The following ERBB4 variants were observed in gnomAD, a reference collection of about 807,000 sequenced individuals.
ERBB4 encodes erb-b2 receptor tyrosine kinase 4, also known as receptor tyrosine-protein kinase erbB-4.
ERBB4 carries 42 observed loss-of-function variants against 158.0 expected under a neutral mutation model. That is an observed-to-expected ratio of 0.27 (90% confidence interval 0.21 to 0.34). The LOEUF (loss-of-function observed/expected upper bound fraction) is 0.34. Among genes scored for constraint, ERBB4 ranks in the 10% least tolerant of loss-of-function variants. The pLI, the probability that ERBB4 is intolerant of heterozygous loss-of-function variation, is 1.00. For missense variants in ERBB4, 1,333 were observed against 1,624.1 expected (o/e 0.82, Z 3.08); for synonymous variants, 583 against 558.7 (o/e 1.04, Z -0.61).
chr2:212,304,595 A>G (rs1029439294), intron 1 of ERBB4, among the ~76,000 whole-genome samples: 1 of 151,540 alleles, frequency 6.6e-6, no homozygotes, highest in East Asian at 2.0e-4. Context: ...TTGAAAAAGC[A>G]TCAATGAGCA....
intron 3 of ERBB4, among the ~76,000 whole-genome samples, chr2:211,793,239 A>G (rs912052786): frequency 1.3e-5 from 2 of 151,940 alleles, no homozygotes; most frequent in Admixed American, 6.6e-5. Flanking sequence ...ATCAGTGAAC[A>G]TTTTAATTCT....
chr2:212,009,611 G>C (rs150414822), intron 2 of ERBB4, among the ~76,000 whole-genome samples: 1 of 152,086 alleles, frequency 6.6e-6, no homozygotes, highest in African/African-American at 2.4e-5. Context: ...TTTCAAAACA[G>C]TCTATTTTAA....
At chr2:212,128,590 G>C (rs768201847) in intron 1 of ERBB4, among the ~76,000 whole-genome samples, 22 of 152,152 alleles carry the variant, frequency 1.4e-4, no homozygotes, top group Non-Finnish European at 3.1e-4. Flanking sequence ...ATACCATCAA[G>C]ATAATGATGA....
chr2:212,198,157 G>C (rs919403839), intron 1 of ERBB4, among the ~76,000 whole-genome samples: 2 of 152,112 alleles, frequency 1.3e-5, no homozygotes, highest in South Asian at 4.1e-4. Context: ...GAGATTGTCT[G>C]AAAGTTAACT....
chr2:211,418,691 T>A (rs888564423), intron 25 of ERBB4, among the ~76,000 whole-genome samples: 15 of 152,184 alleles, frequency 9.9e-5, no homozygotes, highest in Admixed American at 4.6e-4. Flanking sequence ...TATTTTTTTT[T>A]AAATTTCACT....
At chr2:212,100,086 G>A (rs1289445677) in intron 2 of ERBB4, among the ~76,000 whole-genome samples, 1 of 151,976 alleles carries the variant, frequency 6.6e-6, no homozygotes, top group East Asian at 1.9e-4. Flanking sequence ...TGGTCTTACA[G>A]TCATTACTGA....
intron 2 of ERBB4, among the ~76,000 whole-genome samples, chr2:211,977,548 A>AAAAAAAAAAAAT (rs2081647159): frequency 6.7e-6 from 1 of 148,184 alleles, no homozygotes. Flanking sequence ...AAAAAAAAAA[A>AAAAAAAAAAAAT]GTAACTTGGC....
intron 1 of ERBB4, among the ~76,000 whole-genome samples, chr2:212,371,886 G>T (rs966832529): frequency 6.6e-6 from 1 of 152,064 alleles, no homozygotes; most frequent in African/African-American, 2.4e-5. Context: ...CGAGAACTTG[G>T]TTTGTGTGAC....
At chr2:212,187,563 CA>C (rs2082051874) in intron 1 of ERBB4, among the ~76,000 whole-genome samples, 1 of 151,678 alleles carries the variant, frequency 6.6e-6, no homozygotes, top group Non-Finnish European at 1.5e-5. Flanking sequence ...TTAGAAAATA[CA>C]AAAGTAAATT....
rs531138069 is a variant in ERBB4 at position 211,377,945 on chromosome 2, C to T, written c.*5670G>A. The T allele has an allele frequency of 2.6e-5, 6 of 232,852 alleles. No homozygotes were observed. The South Asian group carries it at 1.1e-3, about 42-fold the overall frequency. The allele number at this position is 232,852 out of a possible 1,614,324, so 14.4% of individuals were successfully genotyped here. A position where few individuals can be genotyped will look rare whatever the true frequency, so the allele number is the denominator to read the frequency against. On this transcript the variant is annotated 3_prime_UTR_variant, in exon 28 of 28. Transcript: ENST00000342788. ...GTTTGATAGTTCACTTAAACAGTGT[C>T]CAAATTGCTAGAATCTCTTATGAAA...
At chr2:212,514,715 G>T (rs1209734511) in intron 1 of ERBB4, among the ~76,000 whole-genome samples, 2 of 152,176 alleles carry the variant, frequency 1.3e-5, no homozygotes, top group African/African-American at 4.8e-5. Context: ...TGAGGCAAGA[G>T]AATCTTCTGA....
chr2:211,424,126 A>ATGGTGATAACATTATTTTGCAGTCTT, intron 23 of ERBB4, 29 bp downstream of exon 23: 1 of 1,598,146 alleles, frequency 6.3e-7, no homozygotes, highest in South Asian at 1.1e-5. Flanking sequence ...AAGAATGATG[A>ATGGTGATAACATTATTTTGCAGTCTT]TGGTGATAAC....
At chr2:211,657,494 G>A in intron 16 of ERBB4, 1 of 418,286 alleles carries the variant, frequency 2.4e-6, no homozygotes, top group South Asian at 2.1e-5. Flanking sequence ...GGGCAACAGA[G>A]TGAGACTCGG....
chr2:211,585,115 G>A (rs1233282724), intron 19 of ERBB4, among the ~76,000 whole-genome samples: 2 of 152,060 alleles, frequency 1.3e-5, no homozygotes, highest in Non-Finnish European at 2.9e-5. Flanking sequence ...CACTTTAGGA[G>A]GCCGAGGCGG....
At chr2:212,397,237 G>T (rs1374932302) in intron 1 of ERBB4, among the ~76,000 whole-genome samples, 1 of 152,116 alleles carries the variant, frequency 6.6e-6, no homozygotes, top group Admixed American at 6.6e-5. Flanking sequence ...CACTTTGAGA[G>T]ACTGAGGCGG....
At chr2:211,687,332 A>G (rs567793808) in intron 12 of ERBB4, among the ~76,000 whole-genome samples, 44 of 151,682 alleles carry the variant, frequency 2.9e-4, no homozygotes, top group Non-Finnish European at 4.9e-4. Context: ...GACAAGAAAA[A>G]ACGAAAAAAG....
At chr2:211,652,162 A>G (rs967084636) in intron 16 of ERBB4, among the ~76,000 whole-genome samples, 2 of 152,308 alleles carry the variant, frequency 1.3e-5, no homozygotes, top group Admixed American at 1.3e-4. Context: ...GTAATTAACA[A>G]CTGAGCTGAG....
At chr2:212,535,241 T>C (rs2106353994) in intron 1 of ERBB4, among the ~76,000 whole-genome samples, 1 of 151,510 alleles carries the variant, frequency 6.6e-6, no homozygotes, top group South Asian at 2.1e-4. Context: ...CCCCCTTTTA[T>C]ATATATATAT....
intron 2 of ERBB4, among the ~76,000 whole-genome samples, chr2:212,027,178 A>G (rs2076792789): frequency 6.6e-6 from 1 of 152,004 alleles, no homozygotes; most frequent in Admixed American, 6.6e-5. Context: ...GTAAAAACCA[A>G]GCTGAGGTTA....
Sources: gnomAD v4.1 joint callset for allele counts (sites outside exome capture counted in the v4.1 genomes callset) on GRCh38, gnomAD v4.1.1 for gene constraint, MANE v1.5 for transcripts, NCBI Gene and HGNC (gene_info 2026-07-23, HGNC 2026-07-21) for gene names.